SLC22A23: variants seen among roughly 807,000 people sequenced by gnomAD.
SLC22A23 encodes the protein ion transporter protein.
SLC22A23 carries 26 observed loss-of-function variants against 61.0 expected under a neutral mutation model. The observed-to-expected ratio is 0.43, with a 90% confidence interval of 0.31 to 0.59. The LOEUF is 0.59. SLC22A23 is among the 20% of genes least tolerant of loss of function. The probability of loss-of-function intolerance (pLI) is 0.11; values close to 1 mark genes in which losing one functional copy is unlikely to be tolerated. For synonymous variants in SLC22A23, 430 were observed against 413.9 expected, an observed-to-expected ratio of 1.04 and a Z score of -0.47; for missense variants, 796 against 934.7, an observed-to-expected ratio of 0.85 and a Z score of 1.94.
rs140669227 is a variant in SLC22A23 at position 3,454,085 on chromosome 6, G to C, written c.654+1821C>G. 3.0e-4 allele frequency among the ~76,000 whole-genome samples: 46 copies of C among 152,178 alleles called. 1 individual carries two copies. The highest frequency in any genetic ancestry group is 1.0e-3 in the African/African-American group (42 of 41,506). ...GTGAAAATCAATATGTCCTTTCTAG[G>C]CTTTACTGTATAAGAAAATGTGTGT... On this transcript the variant is annotated intron_variant, in intron 1 of 9. Transcript: ENST00000406686. The surrounding 1 kb of genome is among the most constrained non-coding windows in gnomAD (Gnocchi z 4.3).
chr6:3,373,052 T>TA (rs1248716301), intron 3 of SLC22A23, among the ~76,000 whole-genome samples: 2 of 152,180 alleles, frequency 1.3e-5, no homozygotes, highest in Admixed American at 6.5e-5. Flanking sequence ...TCCGAAGGGT[T>TA]AACACTGTCC....
At position 3,324,265 on chromosome 6, in the gene SLC22A23, T is replaced by C. The variant is rs1763148620; in HGVS notation, c.914-263A>G. The stretch of plus-strand genomic sequence containing the variant: ...ATGCTATAATTCAGAGGAGCTTAGC[T>C]CAGAAACCAGGAAATGGTACTGCCT... On this transcript the variant is annotated intron_variant, in intron 3 of 9. Coordinates refer to ENST00000406686, the MANE Select transcript of SLC22A23 (RefSeq NM_015482.2). This position sits in a 1 kb window ranked among gnomAD's most constrained non-coding sequence, Gnocchi z 4.3. The C allele has an allele frequency of 2.1e-6, 1 of 478,954 alleles. No individual in the cohort carries two copies. Among genetic ancestry groups the C allele is most frequent in the African/African-American group, 1.9e-5 (1 of 51,966 alleles). 29.7% of individuals were successfully genotyped at this position (478,954 alleles called of 1,614,324 possible). A position where few individuals can be genotyped will look rare whatever the true frequency, so the allele number is the denominator to read the frequency against.
intron 3 of SLC22A23, among the ~76,000 whole-genome samples, chr6:3,355,136 A>G (rs1764992315): frequency 6.6e-6 from 1 of 151,576 alleles, no homozygotes; most frequent in South Asian, 2.1e-4. Context: ...CCTACCCTCT[A>G]TCTGCTTGGA....
chr6:3,329,610 C>T lies in SLC22A23; in HGVS notation c.914-5608G>A, dbSNP rs1265992429. 2.0e-5 allele frequency among the ~76,000 whole-genome samples: 3 copies of T among 152,298 alleles called. No individual in the cohort carries two copies. Among genetic ancestry groups the T allele is most frequent in the Middle Eastern group, 3.4e-3 (1 of 294 alleles). On this transcript the variant is annotated intron_variant, in intron 3 of 9. Coordinates refer to ENST00000406686, the MANE Select transcript of SLC22A23 (RefSeq NM_015482.2). This position sits in a 1 kb window ranked among gnomAD's most constrained non-coding sequence, Gnocchi z 4.8. ...AGATTCCTCCCCGGCCTCTGCTGGG[C>T]GGTGTGAAGTTACTCAGCCGCTCTG...
chr6:3,355,780 C>T (rs1257571991), intron 3 of SLC22A23, among the ~76,000 whole-genome samples: 1 of 151,460 alleles, frequency 6.6e-6, no homozygotes, highest in African/African-American at 2.4e-5. Flanking sequence ...CCCAAGGTCT[C>T]ACTCAGCCCT....
chr6:3,292,433 T>C (rs960031949), intron 5 of SLC22A23, among the ~76,000 whole-genome samples: 10 of 151,220 alleles, frequency 6.6e-5, no homozygotes, highest in Non-Finnish European at 1.0e-4. Context: ...CCCGGCCAGG[T>C]TGTGGGACAC....
intron 1 of SLC22A23, among the ~76,000 whole-genome samples, chr6:3,426,494 GAA>G (rs35926887): frequency 5.5e-4 from 82 of 148,220 alleles, no homozygotes; most frequent in Admixed American, 5.0e-3. Flanking sequence ...GAAGGATTAG[GAA>G]AAAAAAAAAA....
intron 9 of SLC22A23, among the ~76,000 whole-genome samples, chr6:3,281,127 C>T (rs1759440960): frequency 6.6e-6 from 1 of 152,212 alleles, no homozygotes; most frequent in African/African-American, 2.4e-5. Context: ...AAAAGATCCG[C>T]CCCAGCACAG....
In SLC22A23 at chr6:3,358,827, C is replaced by CA. The variant is rs770867789; in HGVS notation, c.914-34826dup. 4.9e-4 allele frequency among the ~76,000 whole-genome samples: 75 copies of CA among 152,276 alleles called. 1 individual carries two copies. The highest frequency in any genetic ancestry group is 9.8e-4 in the Admixed American group (15 of 15,306). ...AAAACACCGGAAGGAGTCACAGCTCCAGTGAGGAAGAAGTGAGAAGGGATC... is the reference window on the plus strand; with the variant it reads ...AAAACACCGGAAGGAGTCACAGCTCCAAGTGAGGAAGAAGTGAGAAGGGATC... On this transcript the variant is annotated intron_variant, in intron 3 of 9. Transcript: ENST00000406686.
At chr6:3,440,191 C>A (rs765579265) in intron 1 of SLC22A23, among the ~76,000 whole-genome samples, 2 of 152,176 alleles carry the variant, frequency 1.3e-5, no homozygotes, top group Non-Finnish European at 2.9e-5. Flanking sequence ...AGGGAACTAT[C>A]CCGGGTGCAG....
In SLC22A23 at chr6:3,286,206, C is replaced by T. The variant is rs1435097437; in HGVS notation, c.1546+653G>A. ...CTCTGCCTCCCAAGTTCAAGTGATTCTTCTGCCTCAGCCTCCTGAGTAGCT... is the reference window on the plus strand; with the variant it reads ...CTCTGCCTCCCAAGTTCAAGTGATTTTTCTGCCTCAGCCTCCTGAGTAGCT... On this transcript the variant is annotated intron_variant, in intron 7 of 9. Coordinates refer to ENST00000406686, the MANE Select transcript of SLC22A23 (RefSeq NM_015482.2). This position sits in a 1 kb window ranked among gnomAD's most constrained non-coding sequence, Gnocchi z 4.2. 6.6e-6 allele frequency among the ~76,000 whole-genome samples: 1 copy of T among 151,518 alleles called. No homozygotes were observed. The highest frequency in any genetic ancestry group is 2.4e-5 in the African/African-American group (1 of 41,196).
At chr6:3,338,804 A>T (rs1763998755) in intron 3 of SLC22A23, among the ~76,000 whole-genome samples, 1 of 152,248 alleles carries the variant, frequency 6.6e-6, no homozygotes, top group African/African-American at 2.4e-5. Flanking sequence ...ACGTGGCAGC[A>T]CTGAGTTTAA....
At chr6:3,440,193 C>T (rs1432590705) in intron 1 of SLC22A23, among the ~76,000 whole-genome samples, 2 of 152,136 alleles carry the variant, frequency 1.3e-5, no homozygotes, top group Admixed American at 6.5e-5. Context: ...GGAACTATCC[C>T]GGGTGCAGAT....
At position 3,438,503 on chromosome 6, in the gene SLC22A23, C is replaced by T. The variant is rs79336898; in HGVS notation, c.654+17403G>A. On this transcript the variant is annotated intron_variant, in intron 1 of 9. Coordinates refer to ENST00000406686, the MANE Select transcript of SLC22A23 (RefSeq NM_015482.2). ...GCTTACGTTCAGCTCCGGCCTCCAG[C>T]GCTTGGTGTCTGTGTCCCACGGGAG... 33 of 456,740 alleles carry T rather than the reference C, an allele frequency of 7.2e-5. No individual in the cohort carries two copies. In the East Asian group the frequency reaches 1.4e-3, roughly 19 times the overall value. 28.3% of individuals were successfully genotyped at this position (456,740 alleles called of 1,614,324 possible). A position where few individuals can be genotyped will look rare whatever the true frequency, so the allele number is the denominator to read the frequency against.
At position 3,324,147 on chromosome 6, in the gene SLC22A23, G is replaced by T; in HGVS notation, c.914-145C>A. 3.0e-6 allele frequency: 3 copies of T among 994,510 alleles called. No homozygotes were observed. The highest frequency in any genetic ancestry group is 1.5e-6 in the Non-Finnish European group (1 of 683,032). The allele number at this position is 994,510 out of a possible 1,614,324, so 61.6% of individuals were successfully genotyped here. ...CTGCCCACCACAAGTGCCCTATGTG[G>T]TGTGCCAGTGTTTTACGGGCGCGTT... On this transcript the variant is annotated intron_variant, in intron 3 of 9. Transcript: ENST00000406686. This position sits in a 1 kb window ranked among gnomAD's most constrained non-coding sequence, Gnocchi z 4.3.
At chr6:3,397,359 T>G (rs1230724930) in intron 3 of SLC22A23, among the ~76,000 whole-genome samples, 1 of 152,196 alleles carries the variant, frequency 6.6e-6, no homozygotes, top group Non-Finnish European at 1.5e-5. Flanking sequence ...GTGTCACCTA[T>G]GGAGAGTCAC....
At chr6:3,380,586 A>G (rs928907124) in intron 3 of SLC22A23, among the ~76,000 whole-genome samples, 2 of 152,098 alleles carry the variant, frequency 1.3e-5, no homozygotes, top group East Asian at 1.9e-4. Flanking sequence ...ACAAAACTCT[A>G]TACACCCAAA....
chr6:3,391,821 A>G (rs756301622), intron 3 of SLC22A23, among the ~76,000 whole-genome samples: 2 of 152,038 alleles, frequency 1.3e-5, no homozygotes, highest in African/African-American at 2.4e-5. Context: ...ACAGGCATCA[A>G]CTGAAAAGCG....
At chr6:3,452,525 G>A (rs530323128) in intron 1 of SLC22A23, among the ~76,000 whole-genome samples, 2 of 143,188 alleles carry the variant, frequency 1.4e-5, no homozygotes, top group East Asian at 4.2e-4. Context: ...CTTAAGCCTG[G>A]GAGGTGGAGG....
Sources: gnomAD v4.1 joint callset for allele counts (sites outside exome capture counted in the v4.1 genomes callset) on GRCh38, gnomAD v4.1.1 for gene constraint, Gnocchi (gnomAD v3.1) non-coding constraint, MANE v1.5 for transcripts, NCBI Gene and HGNC (gene_info 2026-07-23, HGNC 2026-07-21) for gene names.